The following SEC14L6 variants were observed in gnomAD, a reference collection of about 807,000 sequenced individuals.
The protein encoded by SEC14L6 is SEC14 like lipid binding 6, also known as SEC14-like protein 6.
Under a neutral mutation model 54.1 loss-of-function variants are expected in SEC14L6, and 40 were observed. The ratio of observed to expected loss-of-function variants is 0.74; its 90% CI spans 0.57 to 0.96. SEC14L6 has a LOEUF of 0.96. Among genes scored for constraint, SEC14L6 ranks in the 40% least tolerant of loss-of-function variants. The probability of loss-of-function intolerance (pLI) is 0.00; values close to 1 mark genes in which losing one functional copy is unlikely to be tolerated. For synonymous variants in SEC14L6, 171 were observed against 198.4 expected, an observed-to-expected ratio of 0.86 and a Z score of 1.16; for missense variants, 471 against 498.3, an observed-to-expected ratio of 0.95 and a Z score of 0.52.
chr22:30,525,564 A>G lies in SEC14L6; in HGVS notation c.912-45T>C, dbSNP rs573612289. 123 of 1,610,442 alleles carry G rather than the reference A, an allele frequency of 7.6e-5. No homozygotes were observed. In the East Asian group the frequency reaches 2.3e-3, roughly 31 times the overall value. On this transcript the variant is annotated intron_variant, in intron 10 of 11. Coordinates refer to ENST00000402034, the MANE Select transcript of SEC14L6 (RefSeq NM_001193336.4). Reference sequence around the variant, plus strand: ...ATTGGCGACCCCCTGCCTGGGCTCCAGGCCCCTCCCAGATGTGCCCAGGTG... The same window carrying G: ...ATTGGCGACCCCCTGCCTGGGCTCCGGGCCCCTCCCAGATGTGCCCAGGTG...
intron 1 of SEC14L6, chr22:30,544,221 T>C (rs2085774721): frequency 3.3e-6 from 2 of 603,014 alleles, no homozygotes. Context: ...CCAGGGTGGC[T>C]CTTCTCTCCC....
At chr22:30,529,390 T>C (rs1268046703) in intron 6 of SEC14L6, 41 bp from the exon 7 acceptor site, 1 of 1,504,846 alleles carries the variant, frequency 6.6e-7, no homozygotes. Context: ...GTCTGAACAC[T>C]GTCCCCTTGC....
intron 1 of SEC14L6, chr22:30,542,541 T>A: frequency 8.1e-7 from 1 of 1,236,086 alleles, no homozygotes; most frequent in Non-Finnish European, 1.1e-6. Flanking sequence ...TCTAGTGCCT[T>A]CCAGCCCTCG....
intron 5 of SEC14L6, 74 bp from the exon 6 acceptor site, chr22:30,532,072 A>G (rs1461456901): frequency 2.0e-6 from 3 of 1,515,754 alleles, no homozygotes; most frequent in Non-Finnish European, 1.8e-6. Context: ...GGCTGGGCCT[A>G]AGCCCAGGGC....
rs1421199440 is a variant in SEC14L6, at chr22:30,523,064, AAGAACAGATC to A, written c.*1923_*1932del. The A allele has an allele frequency of 6.6e-6, 1 of 152,204 alleles. No homozygotes were observed. The highest frequency in any genetic ancestry group is 1.5e-5 in the Non-Finnish European group (1 of 68,038). 9.4% of individuals were successfully genotyped at this position (152,204 alleles called of 1,614,324 possible). On this transcript the variant is annotated 3_prime_UTR_variant, in exon 12 of 12. Coordinates refer to ENST00000402034, the MANE Select transcript of SEC14L6 (RefSeq NM_001193336.4). ...GGAAAAAATCAAAAGTGTAGGGATG[AAGAACAGATC>A]AGTGGCTGTCAGGGGAGGGGCTGAG...
Position 30,523,837 on chromosome 22 carries a change from T to C in SEC14L6, c.*1160A>G, listed in dbSNP as rs1004832659. ...AGAGCAGCATTGCACAACTGCTTGT[T>C]AGGGAACTATTTGAACCATGTCTTT... is the stretch of plus-strand genomic sequence containing the variant. On this transcript the variant is annotated 3_prime_UTR_variant, in exon 12 of 12. Coordinates refer to ENST00000402034, the MANE Select transcript of SEC14L6 (RefSeq NM_001193336.4). 2.0e-5 allele frequency: 3 copies of C among 152,242 alleles called. No individual in the cohort carries two copies. Among genetic ancestry groups the C allele is most frequent in the African/African-American group, 7.2e-5 (3 of 41,462 alleles). The allele number at this position is 152,242 out of a possible 1,614,324, so 9.4% of individuals were successfully genotyped here. A position where few individuals can be genotyped will look rare whatever the true frequency, so the allele number is the denominator to read the frequency against.
intron 1 of SEC14L6, chr22:30,543,219 G>C: frequency 1.9e-6 from 3 of 1,602,562 alleles, no homozygotes; most frequent in Non-Finnish European, 2.6e-6. Flanking sequence ...ATGTGGTGCT[G>C]ACCCGCGGGG....
At chr22:30,538,768 C>A in intron 2 of SEC14L6, 59 bp downstream of exon 2, 1 of 1,166,402 alleles carries the variant, frequency 8.6e-7, no homozygotes, top group South Asian at 1.3e-5. Flanking sequence ...TCAATAGATA[C>A]CAAATACACT....
rs1414753085 is a variant in SEC14L6 at position 30,524,348 on chromosome 22, A to G, written c.*649T>C. ...AATTATTTCCTGATCTGTCAGCTATACTATATTTCAAATTTCCTATTAATA... is the reference window on the plus strand; with the variant it reads ...AATTATTTCCTGATCTGTCAGCTATGCTATATTTCAAATTTCCTATTAATA... On this transcript the variant is annotated 3_prime_UTR_variant, in exon 12 of 12. Coordinates refer to ENST00000402034, the MANE Select transcript of SEC14L6 (RefSeq NM_001193336.4). 1 of 151,946 alleles carries G rather than the reference A, an allele frequency of 6.6e-6. No individual in the cohort carries two copies. Among genetic ancestry groups the G allele is most frequent in the Non-Finnish European group, 1.5e-5 (1 of 67,992 alleles). The allele number at this position is 151,946 out of a possible 1,614,324, so 9.4% of individuals were successfully genotyped here.
rs777452306 is a variant in SEC14L6 at position 30,525,756 on chromosome 22, G to T, written c.772-6C>A. On this transcript the variant is annotated splice_polypyrimidine_tract_variant and splice_region_variant and intron_variant, in intron 9 of 11. Coordinates refer to ENST00000402034, the MANE Select transcript of SEC14L6 (RefSeq NM_001193336.4). ...ACCTCACCCCCGTAGTTGATCTGTG[G>T]GTGAAGGGGGTGTGTGGGCACTAGG... 7 of 1,613,744 alleles carry T rather than the reference G, an allele frequency of 4.3e-6. No homozygotes were observed. In the African/African-American group the frequency reaches 8.0e-5, roughly 18 times the overall value.
Position 30,525,473 on chromosome 22 carries a change from G to C in SEC14L6, c.958C>G (p.Leu320Val), listed in dbSNP as rs867598790. 1.9e-6 allele frequency: 3 copies of C among 1,614,134 alleles called. No individual in the cohort carries two copies. The highest frequency in any genetic ancestry group is 1.6e-4 in the Middle Eastern group (1 of 6,062). The change falls in exon 11 of 12, where the codon CTG becomes GTG. Residue 320 changes from leucine (L) to valine (V), a missense_variant. Coordinates refer to ENST00000402034, the MANE Select transcript of SEC14L6 (RefSeq NM_001193336.4). Reference sequence around the variant, plus strand: ...TGCCGCTCCCCCATCTTGGTCTTCAGGAAAACCCCAAAGCCAATGTCCCCA... The same window carrying C: ...TGCCGCTCCCCCATCTTGGTCTTCACGAAAACCCCAAAGCCAATGTCCCCA... The part of the protein sequence containing the change: ...DGGDIGFGVF[L>V]KTKMGERQRA...
rs539328831 is a variant in SEC14L6, at chr22:30,531,606, C to T, written c.519+297G>A. 2.4e-4 allele frequency among the ~76,000 whole-genome samples: 36 copies of T among 152,252 alleles called. No homozygotes were observed. In the East Asian group the frequency reaches 3.5e-3, roughly 15 times the overall value. On this transcript the variant is annotated intron_variant, in intron 6 of 11. Coordinates refer to ENST00000402034, the MANE Select transcript of SEC14L6 (RefSeq NM_001193336.4). ...AGGCATGGTGGCGCATGTCTGCAAT[C>T]GCAGCTACTCGGGAGGCTGAGGCAG...
At chr22:30,545,681 G>A (rs991142291) in intron 1 of SEC14L6, among the ~76,000 whole-genome samples, 5 of 152,254 alleles carry the variant, frequency 3.3e-5, no homozygotes, top group South Asian at 4.2e-4. Flanking sequence ...TGATCCTCCC[G>A]CCTCAAAGTG....
chr22:30,539,242 T>G (rs2085654608), intron 1 of SEC14L6, among the ~76,000 whole-genome samples: 1 of 152,066 alleles, frequency 6.6e-6, no homozygotes, highest in Non-Finnish European at 1.5e-5. Context: ...CCGGGCGTGG[T>G]GGCAGGTGCC....
chr22:30,544,318 G>A (rs1341736787), intron 1 of SEC14L6: 1 of 398,466 alleles, frequency 2.5e-6, no homozygotes, highest in African/African-American at 2.0e-5. Flanking sequence ...ACCAGCCAGG[G>A]AACCGACCTG....
Position 30,534,853 on chromosome 22 carries a change from C to T in SEC14L6, c.131-814G>A, listed in dbSNP as rs185203302. 5.3e-3 allele frequency among the ~76,000 whole-genome samples: 812 copies of T among 152,040 alleles called. 8 individuals carry two copies. The highest frequency in any genetic ancestry group is 0.027 in the Middle Eastern group (8 of 292). ...CAGCCTGGACAACATAGTGAAATCT[C>T]GTCTGTACTAAAAGTACAAAAATTA... On this transcript the variant is annotated intron_variant, in intron 2 of 11. Transcript: ENST00000402034.
chr22:30,530,461 C>T (rs1021911929), intron 6 of SEC14L6, among the ~76,000 whole-genome samples: 3 of 152,120 alleles, frequency 2.0e-5, no homozygotes, highest in African/African-American at 4.8e-5. Context: ...AGTGCAGTGG[C>T]GCGATCTCAA....
rs925414923 is a variant in SEC14L6 at position 30,524,265 on chromosome 22, A to G, written c.*732T>C. The G allele has an allele frequency of 1.2e-4, 19 of 152,168 alleles. No individual in the cohort carries two copies. Among genetic ancestry groups the G allele is most frequent in the African/African-American group, 4.1e-4 (17 of 41,402 alleles). 9.4% of individuals were successfully genotyped at this position (152,168 alleles called of 1,614,324 possible). On this transcript the variant is annotated 3_prime_UTR_variant, in exon 12 of 12. Coordinates refer to ENST00000402034, the MANE Select transcript of SEC14L6 (RefSeq NM_001193336.4). ...CCTGGGGACCCCTCCTCTTCCCCCT[A>G]TGGCACAGCGGCCCCTCCTCTTGGG...
At chr22:30,529,198 C>T in intron 7 of SEC14L6, 28 bp from the exon 8 acceptor site, 1 of 1,550,248 alleles carries the variant, frequency 6.5e-7, no homozygotes, top group Non-Finnish European at 8.7e-7. Flanking sequence ...ACTGCTCCCT[C>T]AGGCGGCTGG....
Sources: gnomAD v4.1 joint callset for allele counts (sites outside exome capture counted in the v4.1 genomes callset) on GRCh38, gnomAD v4.1.1 for gene constraint, MANE v1.5 for transcripts, NCBI Gene and HGNC (gene_info 2026-07-23, HGNC 2026-07-21) for gene names.